The following MLYCD variants were observed in gnomAD, a reference collection of about 807,000 sequenced individuals.
MLYCD encodes the protein malonyl-CoA decarboxylase.
Under a neutral mutation model 35.8 loss-of-function variants are expected in MLYCD, and 27 were observed. That is an observed-to-expected ratio of 0.75 (90% CI 0.56 to 1.04). MLYCD has a LOEUF of 1.04. Ranked by LOEUF, MLYCD falls within the 50% of genes least tolerant of loss-of-function variation. The pLI is 0.00. For missense variants in MLYCD, 917 were observed against 665.1 expected (o/e 1.38, Z -4.17); for synonymous variants, 403 against 302.4 (o/e 1.33, Z -3.45).
At position 83,915,610 on chromosome 16, in the gene MLYCD, C is replaced by T; in HGVS notation, c.*121C>T. On this transcript the variant is annotated 3_prime_UTR_variant, in exon 5 of 5. Transcript: ENST00000262430. ...AAGCCAAAGTTGACTGTGTTCTTGT[C>T]CCGCAGCCGGTCCACACTGTGAGGC... 1.3e-6 allele frequency: 2 copies of T among 1,532,588 alleles called. No homozygotes were observed. The highest frequency in any genetic ancestry group is 1.7e-6 in the Non-Finnish European group (2 of 1,145,860). The allele number at this position is 1,532,588 out of a possible 1,614,324, so 94.9% of individuals were successfully genotyped here. A position where few individuals can be genotyped will look rare whatever the true frequency, so the allele number is the denominator to read the frequency against.
At chr16:83,908,083 T>C in intron 2 of MLYCD, 43 bp from the exon 3 acceptor site, 1 of 1,613,026 alleles carries the variant, frequency 6.2e-7, no homozygotes, top group South Asian at 1.1e-5. Flanking sequence ...CCGTTGCTTG[T>C]GAATTATGCA....
intron 3 of MLYCD, chr16:83,911,600 G>C (rs540673533): frequency 6.4e-6 from 1 of 155,496 alleles, no homozygotes; most frequent in East Asian, 1.9e-4. Flanking sequence ...AGTCTAGCTC[G>C]TTTCTTAGAA....
Position 83,899,579 on chromosome 16 carries a change from C to T in MLYCD, c.435C>T (p.Ser145=), listed in dbSNP as rs1277751717. 1 of 1,592,674 alleles carries T rather than the reference C, an allele frequency of 6.3e-7. No individual in the cohort carries two copies. The highest frequency in any genetic ancestry group is 2.3e-5 in the East Asian group (1 of 44,418). Residue 145 remains serine, a synonymous_variant, in exon 1 of 5, where the codon AGC becomes AGT. Transcript: ENST00000262430. ...PRYRGLFHHI[S]KLDGGVRFLV... ...ATCGCGGCCTCTTCCACCACATCAG[C>T]AAGCTGGACGGCGGCGTGCGCTTCC...
chr16:83,902,433 T>C (rs113483529), intron 1 of MLYCD, among the ~76,000 whole-genome samples: 114 of 151,584 alleles, frequency 7.5e-4, no homozygotes, highest in Non-Finnish European at 1.4e-3. Context: ...AACTATCAAC[T>C]GGGATCTGAT....
At chr16:83,904,409 A>G (rs554956592) in intron 1 of MLYCD, among the ~76,000 whole-genome samples, 2 of 152,276 alleles carry the variant, frequency 1.3e-5, no homozygotes, top group South Asian at 4.1e-4. Flanking sequence ...AGAGTGTGAG[A>G]GGATCCCAGG....
chr16:83,901,438 C>T (rs1906782314), intron 1 of MLYCD, among the ~76,000 whole-genome samples: 1 of 152,176 alleles, frequency 6.6e-6, no homozygotes, highest in South Asian at 2.1e-4. Context: ...AATCATTCAG[C>T]ATTTGTGTGG....
At chr16:83,909,709 A>G (rs771717718) in intron 3 of MLYCD, among the ~76,000 whole-genome samples, 1 of 147,748 alleles carries the variant, frequency 6.8e-6, no homozygotes, top group African/African-American at 2.5e-5. Context: ...GCAACCTCCA[A>G]CTCCCGGGTA....
chr16:83,913,954 T>C (rs1376470332), intron 4 of MLYCD: 10 of 152,170 alleles, frequency 6.6e-5, no homozygotes, highest in African/African-American at 2.4e-4. Flanking sequence ...TTTTTGAATT[T>C]TAAATGATAA....
intron 4 of MLYCD, chr16:83,913,312 C>G (rs543646237): frequency 2.0e-5 from 3 of 152,362 alleles, no homozygotes; most frequent in Admixed American, 6.5e-5. Context: ...TCTGTCTTCA[C>G]TGAGGGTGGT....
intron 1 of MLYCD, among the ~76,000 whole-genome samples, chr16:83,905,567 G>C (rs1055508414): frequency 6.6e-6 from 1 of 152,160 alleles, no homozygotes. Flanking sequence ...CCAAAGCCAC[G>C]TCGTGGCCCA....
rs557738431 is a variant in MLYCD at position 83,926,802 on chromosome 16, G to T, written c.*11313G>T. The T allele has an allele frequency of 6.6e-6, 1 of 152,324 alleles. No homozygotes were observed. Among genetic ancestry groups the T allele is most frequent in the African/African-American group, 2.4e-5 (1 of 41,570 alleles). 9.4% of individuals were successfully genotyped at this position (152,324 alleles called of 1,614,324 possible). A position where few individuals can be genotyped will look rare whatever the true frequency, so the allele number is the denominator to read the frequency against. ...TCTGGGACAGATGGATCCCAGTCTG[G>T]GTCCTCGCAAGCGCTGTGCACCCCG... On this transcript the variant is annotated 3_prime_UTR_variant, in exon 5 of 5. Transcript: ENST00000262430.
chr16:83,899,526 C>A lies in MLYCD; in HGVS notation c.382C>A (p.Arg128=). Residue 128 remains arginine, a synonymous_variant, in exon 1 of 5, where the codon CGG becomes AGG. Coordinates refer to ENST00000262430, the MANE Select transcript of MLYCD (RefSeq NM_012213.3). ...GGCGGTGCTGCTGCAGGCCGAGGAC[C>A]GGCTGCGCTACGCGCTGGTGCCGCG... ...EAAVLLQAED[R]LRYALVPRYR... 6.3e-7 allele frequency: 1 copy of A among 1,589,876 alleles called. No individual in the cohort carries two copies. The highest frequency in any genetic ancestry group is 8.5e-7 in the Non-Finnish European group (1 of 1,176,512).
Position 83,912,307 on chromosome 16 carries a change from G to C in MLYCD, c.888G>C (p.Gln296His). The C allele has an allele frequency of 1.2e-6, 2 of 1,614,200 alleles. No homozygotes were observed. Among genetic ancestry groups the C allele is most frequent in the Non-Finnish European group, 1.7e-6 (2 of 1,180,036 alleles). The change falls in exon 4 of 5, where the codon CAG (glutamine) becomes CAC (histidine). Residue 296 changes from glutamine to histidine, a missense_variant. By Grantham distance (24) the Gln-to-His change is conservative. Transcript: ENST00000262430. The part of the protein sequence containing the change: ...AIFYSISLTQ[Q>H]GLQGVELGTF... The stretch of plus-strand genomic sequence containing the variant: ...TTTATTCCATCAGCTTGACCCAGCA[G>C]GGACTCCAAGGGGTGGAGCTGGGAA...
intron 3 of MLYCD, among the ~76,000 whole-genome samples, chr16:83,909,879 C>T (rs889615106): frequency 2.6e-5 from 4 of 151,642 alleles, no homozygotes; most frequent in East Asian, 1.9e-4. Context: ...GTGATCTGCC[C>T]GCCGCGGCTT....
At chr16:83,900,100 G>A (rs1597286544) in intron 1 of MLYCD, among the ~76,000 whole-genome samples, 1 of 152,268 alleles carries the variant, frequency 6.6e-6, no homozygotes, top group South Asian at 2.1e-4. Context: ...CTGGGCACCC[G>A]CTATGTGTGA....
At position 83,916,231 on chromosome 16, in the gene MLYCD, G is replaced by A. The variant is rs1179719402; in HGVS notation, c.*742G>A. The A allele has an allele frequency of 3.8e-5, 38 of 987,270 alleles. No homozygotes were observed. Among genetic ancestry groups the A allele is most frequent in the Non-Finnish European group, 4.5e-5 (37 of 829,830 alleles). The allele number at this position is 987,270 out of a possible 1,614,324, so 61.2% of individuals were successfully genotyped here. A position where few individuals can be genotyped will look rare whatever the true frequency, so the allele number is the denominator to read the frequency against. On this transcript the variant is annotated 3_prime_UTR_variant, in exon 5 of 5. Coordinates refer to ENST00000262430, the MANE Select transcript of MLYCD (RefSeq NM_012213.3). ...GTCTTTAAGATTAGAGACCTGGGAAGGCTGGAATCAGCCAGCCAGCCTACG... is the reference window on the plus strand; with the variant it reads ...GTCTTTAAGATTAGAGACCTGGGAAAGCTGGAATCAGCCAGCCAGCCTACG...
In MLYCD at chr16:83,919,438, G is replaced by A; in HGVS notation, c.*3949G>A. 7.3e-6 allele frequency: 1 copy of A among 136,314 alleles called. No homozygotes were observed. Among genetic ancestry groups the A allele is most frequent in the Non-Finnish European group, 1.5e-5 (1 of 64,942 alleles). 8.4% of individuals were successfully genotyped at this position (136,314 alleles called of 1,614,324 possible). On this transcript the variant is annotated 3_prime_UTR_variant, in exon 5 of 5. Transcript: ENST00000262430. ...AAATGCACAGCACACAGGAGAACAT[G>A]CACACACAGTGCACAGGAGAACACA...
In MLYCD at chr16:83,899,288, G is replaced by T; in HGVS notation, c.144G>T (p.Val48=). ...TGGACGAGCTGCTGCGCCGCGCGGT[G>T]CCGCCGACGCCGGCCTACGAGCTGC... ...RAMDELLRRA[V]PPTPAYELRE... Residue 48 remains valine, a synonymous_variant, in exon 1 of 5, where the codon GTG becomes GTT. Coordinates refer to ENST00000262430, the MANE Select transcript of MLYCD (RefSeq NM_012213.3). 6.8e-7 allele frequency: 1 copy of T among 1,477,510 alleles called. No homozygotes were observed. The highest frequency in any genetic ancestry group is 8.9e-7 in the Non-Finnish European group (1 of 1,120,112). 91.5% of individuals were successfully genotyped at this position (1,477,510 alleles called of 1,614,324 possible). A position where few individuals can be genotyped will look rare whatever the true frequency, so the allele number is the denominator to read the frequency against.
chr16:83,903,172 C>T (rs1294844966), intron 1 of MLYCD, among the ~76,000 whole-genome samples: 1 of 152,030 alleles, frequency 6.6e-6, no homozygotes, highest in African/African-American at 2.4e-5. Flanking sequence ...TTGGACCTTG[C>T]TGTTAGGGTG....
Sources: allele counts gnomAD v4.1 joint callset (sites outside exome capture counted in the v4.1 genomes callset), GRCh38; gene constraint gnomAD v4.1.1; transcripts MANE v1.5; gene names NCBI Gene and HGNC (gene_info 2026-07-23, HGNC 2026-07-21).